ADIPOR2: variants seen among roughly 807,000 people sequenced by gnomAD.
ADIPOR2 encodes the protein adiponectin receptor protein 2.
ADIPOR2 carries 18 observed loss-of-function variants against 40.9 expected under a neutral mutation model. The ratio of observed to expected loss-of-function variants is 0.44; its 90% confidence interval spans 0.30 to 0.65. The LOEUF (loss-of-function observed/expected upper bound fraction) is 0.65, where lower values mean the gene tolerates loss of function less well. Ranked by LOEUF, ADIPOR2 falls within the 30% of genes least tolerant of loss-of-function variation. The probability of loss-of-function intolerance (pLI) is 0.09; values close to 1 mark genes in which losing one functional copy is unlikely to be tolerated. For synonymous variants in ADIPOR2, 165 were observed against 166.4 expected, an observed-to-expected ratio of 0.99 and a Z score of 0.06; for missense variants, 283 against 479.2, an observed-to-expected ratio of 0.59 and a Z score of 3.82.
At chr12:1,757,845 G>C in intron 2 of ADIPOR2, 1 of 832,120 alleles carries the variant, frequency 1.2e-6, no homozygotes, top group Non-Finnish European at 2.1e-6. Flanking sequence ...TTCATCTCCT[G>C]TCAGGGCTTA....
chr12:1,779,783 A>G (rs1243720656), intron 4 of ADIPOR2, among the ~76,000 whole-genome samples: 1 of 152,202 alleles, frequency 6.6e-6, no homozygotes, highest in Non-Finnish European at 1.5e-5. Context: ...AAATGATAAA[A>G]CAATTACTTA....
At chr12:1,775,825 G>C (rs778690220) in intron 3 of ADIPOR2, among the ~76,000 whole-genome samples, 1 of 150,862 alleles carries the variant, frequency 6.6e-6, no homozygotes, top group Non-Finnish European at 1.5e-5. Flanking sequence ...ACTTCCAGCA[G>C]TTCCAACAGA....
chr12:1,712,297 C>T (rs11061939), intron 1 of ADIPOR2, among the ~76,000 whole-genome samples: 6,773 of 152,190 alleles, frequency 0.045, 260 homozygotes, highest in East Asian at 0.18. Flanking sequence ...TTTGAAGCAT[C>T]GGTCCCTCAA....
intron 1 of ADIPOR2, among the ~76,000 whole-genome samples, chr12:1,726,950 C>A (rs2094709246): frequency 6.6e-6 from 1 of 152,200 alleles, no homozygotes; most frequent in South Asian, 2.1e-4. Flanking sequence ...GAGTCGTCAT[C>A]TTTCTATATT....
At chr12:1,783,250 A>G (rs1862759489) in intron 6 of ADIPOR2, among the ~76,000 whole-genome samples, 1 of 152,146 alleles carries the variant, frequency 6.6e-6, no homozygotes, top group African/African-American at 2.4e-5. Flanking sequence ...AATTGCTTGT[A>G]TTGTAACCTG....
At chr12:1,775,198 A>C (rs1862565688) in intron 3 of ADIPOR2, among the ~76,000 whole-genome samples, 1 of 152,224 alleles carries the variant, frequency 6.6e-6, no homozygotes, top group African/African-American at 2.4e-5. Flanking sequence ...CCAGTGGATT[A>C]TTACTAAGAT....
chr12:1,712,515 G>C (rs1020014195), intron 1 of ADIPOR2, among the ~76,000 whole-genome samples: 1 of 152,066 alleles, frequency 6.6e-6, no homozygotes, highest in Non-Finnish European at 1.5e-5. Context: ...GGGTTGTCCC[G>C]TGAGTCTGAG....
chr12:1,733,109 G>T (rs886793993), intron 1 of ADIPOR2, among the ~76,000 whole-genome samples: 2 of 152,164 alleles, frequency 1.3e-5, no homozygotes, highest in Non-Finnish European at 2.9e-5. Context: ...AGTTATCTGT[G>T]TAATTTTACT....
chr12:1,710,331 C>T lies in ADIPOR2; in HGVS notation c.-87+19140C>T, dbSNP rs186846118. On this transcript the variant is annotated intron_variant, in intron 1 of 7. Transcript: ENST00000357103. ...TGCTGCTCACTCTTTGGGTCCGTGC[C>T]ACCTTTAAGAGCTGTAACACTCACC... Among the ~76,000 whole-genome samples the T allele has an allele frequency of 6.9e-4, 105 of 152,274 alleles. No homozygotes were observed. The East Asian group carries it at 0.019, about 27-fold the overall frequency.
At chr12:1,728,142 C>G (rs1421673728) in intron 1 of ADIPOR2, among the ~76,000 whole-genome samples, 1 of 151,128 alleles carries the variant, frequency 6.6e-6, no homozygotes, top group Non-Finnish European at 1.5e-5. Context: ...GATGAAGTCT[C>G]GCTCTTGTCC....
At position 1,785,935 on chromosome 12, in the gene ADIPOR2, C is replaced by A; in HGVS notation, c.1033-9C>A. 6.2e-7 allele frequency: 1 copy of A among 1,609,464 alleles called. No homozygotes were observed. Among genetic ancestry groups the A allele is most frequent in the Non-Finnish European group, 8.5e-7 (1 of 1,178,696 alleles). Reference sequence around the variant, plus strand: ...TCTCTACCCCCTTCTCTTCTTTTTTCCCCTCCAGTTTCACTCTCATCAGCT... The same window carrying A: ...TCTCTACCCCCTTCTCTTCTTTTTTACCCTCCAGTTTCACTCTCATCAGCT... On this transcript the variant is annotated splice_polypyrimidine_tract_variant and intron_variant, in intron 7 of 7. Coordinates refer to ENST00000357103, the MANE Select transcript of ADIPOR2 (RefSeq NM_024551.3).
chr12:1,787,653 A>G lies in ADIPOR2; in HGVS notation c.*1581A>G, dbSNP rs1174342523. Reference sequence around the variant, plus strand: ...GTCATCAAAGACTTGGGATGACTCCATTATATCCTGGGGTTGTGGGTATTA... The same window carrying G: ...GTCATCAAAGACTTGGGATGACTCCGTTATATCCTGGGGTTGTGGGTATTA... On this transcript the variant is annotated 3_prime_UTR_variant, in exon 8 of 8. Coordinates refer to ENST00000357103, the MANE Select transcript of ADIPOR2 (RefSeq NM_024551.3). 2.0e-5 allele frequency: 3 copies of G among 152,216 alleles called. No individual in the cohort carries two copies. Among genetic ancestry groups the G allele is most frequent in the Non-Finnish European group, 4.4e-5 (3 of 68,042 alleles). The allele number at this position is 152,216 out of a possible 1,614,324, so 9.4% of individuals were successfully genotyped here. A position where few individuals can be genotyped will look rare whatever the true frequency, so the allele number is the denominator to read the frequency against.
At chr12:1,773,066 GA>G (rs1862520026) in intron 3 of ADIPOR2, 105 bp downstream of exon 3, 1 of 1,363,216 alleles carries the variant, frequency 7.3e-7, no homozygotes, top group African/African-American at 1.5e-5. Context: ...TTGCTTTGGG[GA>G]AGATCTGTGG....
rs1592614169 is a variant in ADIPOR2 at position 1,755,148 on chromosome 12, C to T, written c.171+634C>T. On this transcript the variant is annotated intron_variant, in intron 2 of 7. Transcript: ENST00000357103. ...AGGCTGGAGTGCAGTGGTGCGATCT[C>T]AGCTCACTGCAACCTCTACCTTCCA... Among the ~76,000 whole-genome samples, 8 of 57,580 alleles carry T rather than the reference C, an allele frequency of 1.4e-4. No homozygotes were observed. In the East Asian group the frequency reaches 3.8e-3, roughly 27 times the overall value. 37.8% of individuals were successfully genotyped at this position (57,580 alleles called of 152,430 possible).
At chr12:1,735,894 C>T (rs1404654722) in intron 1 of ADIPOR2, among the ~76,000 whole-genome samples, 6 of 152,082 alleles carry the variant, frequency 3.9e-5, no homozygotes, top group African/African-American at 1.2e-4. Flanking sequence ...TGCTGGATTA[C>T]GTTTATTGAT....
intron 1 of ADIPOR2, among the ~76,000 whole-genome samples, chr12:1,736,651 C>T (rs1334812269): frequency 6.6e-6 from 1 of 152,182 alleles, no homozygotes; most frequent in Non-Finnish European, 1.5e-5. Flanking sequence ...TTGTTTTCTG[C>T]TAGCTTTTGA....
At chr12:1,743,145 A>G (rs1229877681) in intron 1 of ADIPOR2, among the ~76,000 whole-genome samples, 2 of 148,952 alleles carry the variant, frequency 1.3e-5, no homozygotes, top group Non-Finnish European at 3.0e-5. Context: ...TAGTCCCAGC[A>G]TTTTGAGAGG....
intron 1 of ADIPOR2, among the ~76,000 whole-genome samples, chr12:1,739,635 G>C (rs1197478866): frequency 6.6e-6 from 1 of 152,212 alleles, no homozygotes; most frequent in Non-Finnish European, 1.5e-5. Flanking sequence ...CACTAGCTGA[G>C]TTGAGTTTTT....
chr12:1,777,904 G>C lies in ADIPOR2; in HGVS notation c.342G>C (p.Trp114Cys). ...TCCCTCATGATGTACTACCAGACTG[G>C]CTCAAGGATAATGACTTCCTCTTGC... is the stretch of plus-strand genomic sequence containing the variant. Reference protein sequence around the residue: ...RVIPHDVLPDWLKDNDFLLHG... With the variant: ...RVIPHDVLPDCLKDNDFLLHG... The change falls in exon 4 of 8, where the codon TGG becomes TGC. Residue 114 changes from tryptophan (W) to cysteine (C), a missense_variant. Around this residue, in one of 3 missense-constraint regions of ADIPOR2, gnomAD observed 112 missense variants for 249.5 expected, o/e 0.45. Coordinates refer to ENST00000357103, the MANE Select transcript of ADIPOR2 (RefSeq NM_024551.3). The C allele has an allele frequency of 1.2e-6, 2 of 1,614,038 alleles. No individual in the cohort carries two copies. The highest frequency in any genetic ancestry group is 1.7e-6 in the Non-Finnish European group (2 of 1,179,978).
Sources: gnomAD v4.1 joint callset for allele counts (sites outside exome capture counted in the v4.1 genomes callset) on GRCh38, gnomAD v4.1.1 for gene constraint, gnomAD v4.1.1 regional missense constraint, MANE v1.5 for transcripts, NCBI Gene and HGNC (gene_info 2026-07-23, HGNC 2026-07-21) for gene names.